ILDR1: variants seen among roughly 807,000 people sequenced by gnomAD.
The protein encoded by ILDR1 is immunoglobulin-like domain-containing receptor 1.
In ILDR1, 56 loss-of-function variants were observed where a neutral mutation model predicts 62.4. That is an observed-to-expected ratio of 0.90 (90% CI 0.72 to 1.12). The LOEUF is 1.12. Ranked by LOEUF, ILDR1 falls within the 50% of genes most tolerant of loss-of-function variation. The pLI, the probability that ILDR1 is intolerant of heterozygous loss-of-function variation, is 0.00. For synonymous variants in ILDR1, 284 were observed against 277.8 expected, an observed-to-expected ratio of 1.02 and a Z score of -0.22; for missense variants, 736 against 710.6, an observed-to-expected ratio of 1.04 and a Z score of -0.41.
chr3:122,033,374 T>A, the ILDR1 span, among the ~76,000 whole-genome samples: 2 of 152,126 alleles, frequency 1.3e-5, no homozygotes, highest in Non-Finnish European at 2.9e-5. Flanking sequence ...AAGTTTCTTA[T>A]GTGTCCTGGA....
chr3:122,035,364 C>T, the ILDR1 span, among the ~76,000 whole-genome samples: 5 of 152,084 alleles, frequency 3.3e-5, no homozygotes, highest in Admixed American at 2.0e-4. Context: ...GTTCACAATG[C>T]CTGATTAGAA....
chr3:122,005,458 T>G, intron 2 of ILDR1, 65 bp from the exon 3 acceptor site: 1 of 1,584,710 alleles, frequency 6.3e-7, no homozygotes, highest in Non-Finnish European at 8.7e-7. Flanking sequence ...AAAGGTTCCC[T>G]TCCTGCTCCG....
At chr3:121,995,860 C>T (rs1003447999) in intron 5 of ILDR1, among the ~76,000 whole-genome samples, 2 of 152,216 alleles carry the variant, frequency 1.3e-5, no homozygotes, top group Non-Finnish European at 2.9e-5. Flanking sequence ...AGAGAGATTA[C>T]CTTCCCAGCC....
chr3:122,046,997 GC>G, the ILDR1 span, among the ~76,000 whole-genome samples: 1 of 145,816 alleles, frequency 6.9e-6, no homozygotes, highest in East Asian at 2.0e-4. Context: ...GAGGCGCTCT[GC>G]ATTTTAGAGT....
rs559860394 is a variant in ILDR1 at position 121,993,945 on chromosome 3, C to T, written c.804G>A (p.Pro268=). 14 of 1,612,176 alleles carry T rather than the reference C, an allele frequency of 8.7e-6. No homozygotes were observed. Among genetic ancestry groups the T allele is most frequent in the Middle Eastern group, 1.6e-4 (1 of 6,062 alleles). ...QRDLSLPSSL[P]QMPMTQTTNQ... is the part of the protein sequence containing the mutation. ...TGGTGGTCTGGGTCATTGGCATCTGCGGGAGGCTGGACGGCAGGGACAAAT... is the reference window on the plus strand; with the variant it reads ...TGGTGGTCTGGGTCATTGGCATCTGTGGGAGGCTGGACGGCAGGGACAAAT... The change falls in exon 7 of 8, where the codon CCG becomes CCA. Residue 268 remains proline, a synonymous_variant. Coordinates refer to ENST00000344209, the MANE Select transcript of ILDR1 (RefSeq NM_001199799.2).
chr3:122,015,441 T>C (rs2071763479), intron 1 of ILDR1, among the ~76,000 whole-genome samples: 1 of 152,188 alleles, frequency 6.6e-6, no homozygotes, highest in South Asian at 2.1e-4. Context: ...TCATCTTGAA[T>C]TGTAGTTCCC....
At chr3:121,991,267 T>G (rs1317707859) in intron 7 of ILDR1, among the ~76,000 whole-genome samples, 5 of 152,180 alleles carry the variant, frequency 3.3e-5, no homozygotes, top group African/African-American at 1.2e-4. Flanking sequence ...ATGTAACTGG[T>G]GTTCCTCACC....
intron 3 of ILDR1, among the ~76,000 whole-genome samples, chr3:122,002,608 C>T (rs1441861026): frequency 6.6e-6 from 1 of 152,038 alleles, no homozygotes; most frequent in Non-Finnish European, 1.5e-5. Context: ...TATATATTTG[C>T]TGTACATTCA....
At chr3:122,025,068 T>C (rs1172343199), upstream of ILDR1, 1 of 152,218 alleles carries the variant, frequency 6.6e-6, no homozygotes, top group Non-Finnish European at 1.5e-5. Flanking sequence ...CAGCAGTTCT[T>C]TCATTGCTAG....
the ILDR1 span, among the ~76,000 whole-genome samples, chr3:122,048,724 C>G: frequency 6.6e-6 from 1 of 152,172 alleles, no homozygotes; most frequent in Non-Finnish European, 1.5e-5. Context: ...GTGTTCACAG[C>G]AGTCTCTTAC....
At chr3:122,045,408 G>A in the ILDR1 span, among the ~76,000 whole-genome samples, 1 of 152,038 alleles carries the variant, frequency 6.6e-6, no homozygotes, top group Admixed American at 6.6e-5. Context: ...ATTTGGGGTG[G>A]AGAGTTCTGT....
chr3:121,991,938 T>C (rs1004336458), intron 7 of ILDR1, among the ~76,000 whole-genome samples: 3 of 152,226 alleles, frequency 2.0e-5, no homozygotes, highest in African/African-American at 4.8e-5. Flanking sequence ...CTCCGGGAAC[T>C]TATTTCAGAG....
chr3:121,996,267 C>T (rs2071434312), intron 5 of ILDR1, among the ~76,000 whole-genome samples: 2 of 152,216 alleles, frequency 1.3e-5, no homozygotes, highest in African/African-American at 4.8e-5. Context: ...ACTAATGGGA[C>T]TCCTTCCACA....
rs772420417 is a variant in ILDR1 at position 122,001,294 on chromosome 3, C to T, written c.646+14G>A. 7.4e-6 allele frequency: 12 copies of T among 1,614,136 alleles called. No individual in the cohort carries two copies. Among genetic ancestry groups the T allele is most frequent in the Middle Eastern group, 1.7e-4 (1 of 6,048 alleles). On this transcript the variant is annotated intron_variant, in intron 5 of 7. Transcript: ENST00000344209. Reference sequence around the variant, plus strand: ...TAATCCACTCCATTCCACTGCTTGTCTGTCCCCTCTCACCTTCCTCAGGAC... The same window carrying T: ...TAATCCACTCCATTCCACTGCTTGTTTGTCCCCTCTCACCTTCCTCAGGAC...
At chr3:122,035,150 C>A in the ILDR1 span, among the ~76,000 whole-genome samples, 1 of 152,194 alleles carries the variant, frequency 6.6e-6, no homozygotes, top group Non-Finnish European at 1.5e-5. Context: ...ACTCTATCTT[C>A]CCTATGGAAC....
the ILDR1 span, among the ~76,000 whole-genome samples, chr3:122,045,168 G>A: frequency 7.3e-5 from 11 of 150,052 alleles, no homozygotes; most frequent in African/African-American, 1.2e-4. Flanking sequence ...CCTTCATTTC[G>A]TTATGTACCC....
the ILDR1 span, among the ~76,000 whole-genome samples, chr3:122,051,273 G>T: frequency 2.0e-5 from 3 of 152,050 alleles, no homozygotes; most frequent in Admixed American, 6.6e-5. Flanking sequence ...ACATTTGATG[G>T]TGTCCAATAA....
At chr3:122,009,009 C>T (rs1278435499) in intron 1 of ILDR1, among the ~76,000 whole-genome samples, 2 of 151,844 alleles carry the variant, frequency 1.3e-5, no homozygotes, top group African/African-American at 2.4e-5. Context: ...TCATGGCTCA[C>T]TGCAACGTTG....
chr3:122,001,482 G>T, intron 4 of ILDR1, 28 bp from the exon 5 acceptor site: 1 of 1,613,012 alleles, frequency 6.2e-7, no homozygotes, highest in African/African-American at 1.3e-5. Flanking sequence ...AGCAGGGGTT[G>T]AACTAAATAT....
Sources: allele counts gnomAD v4.1 joint callset (sites outside exome capture counted in the v4.1 genomes callset), GRCh38; gene constraint gnomAD v4.1.1; transcripts MANE v1.5; gene names NCBI Gene and HGNC (gene_info 2026-07-23, HGNC 2026-07-21).